The following NDUFS4 variants were observed in gnomAD, a reference collection of about 807,000 sequenced individuals.
NDUFS4 encodes the protein NADH:ubiquinone oxidoreductase subunit S4, also known as NADH dehydrogenase [ubiquinone] iron-sulfur protein 4, mitochondrial.
NDUFS4 carries 28 observed loss-of-function variants against 24.3 expected under a neutral mutation model. The ratio of observed to expected loss-of-function variants is 1.15; its 90% CI spans 0.85 to 1.58. NDUFS4 has a LOEUF of 1.58. Ranked by LOEUF, NDUFS4 falls within the 40% of genes most tolerant of loss-of-function variation. The pLI is 0.00. For missense variants in NDUFS4, 223 were observed against 207.9 expected (o/e 1.07, Z -0.45); for synonymous variants, 93 against 69.7 (o/e 1.34, Z -1.67).
intron 1 of NDUFS4, among the ~76,000 whole-genome samples, chr5:53,587,124 G>A (rs1321925860): frequency 6.6e-6 from 1 of 151,836 alleles, no homozygotes; most frequent in African/African-American, 2.4e-5. Flanking sequence ...GCACCCGGCC[G>A]AGTTATATAT....
chr5:53,617,977 A>G (rs1440634262), intron 2 of NDUFS4, among the ~76,000 whole-genome samples: 2 of 152,154 alleles, frequency 1.3e-5, no homozygotes, highest in East Asian at 3.9e-4. Context: ...GAGAATACCA[A>G]CACTAAACAA....
intron 1 of NDUFS4, among the ~76,000 whole-genome samples, chr5:53,588,232 C>G (rs1210798826): frequency 1.3e-5 from 2 of 152,138 alleles, no homozygotes; most frequent in African/African-American, 4.8e-5. Context: ...TTTAAAAATT[C>G]TTTACTGCTC....
Position 53,584,415 on chromosome 5 carries a change from G to A in NDUFS4, c.99-19037G>A, listed in dbSNP as rs188983576. 3.9e-3 allele frequency among the ~76,000 whole-genome samples: 590 copies of A among 152,162 alleles called. 5 individuals are homozygous for A. Among genetic ancestry groups the A allele is most frequent in the African/African-American group, 0.014 (566 of 41,500 alleles). On this transcript the variant is annotated intron_variant, in intron 1 of 4. Coordinates refer to ENST00000296684, the MANE Select transcript of NDUFS4 (RefSeq NM_002495.4). ...TTATCACCCAGGCTGGAGTGCAATG[G>A]CGCGATCTCAGCTCACTGAAACCTC...
intron 1 of NDUFS4, among the ~76,000 whole-genome samples, chr5:53,592,526 C>T (rs1043737785): frequency 1.3e-5 from 2 of 152,104 alleles, no homozygotes; most frequent in African/African-American, 2.4e-5. Flanking sequence ...GATTGTTTTG[C>T]TTCCTACATT....
At position 53,609,822 on chromosome 5, in the gene NDUFS4, C is replaced by T. The variant is rs557576730; in HGVS notation, c.177+6292C>T. Reference sequence around the variant, plus strand: ...TTATATAGATGGCTTCCTCCTTAGACCTCATGAGCCAACCTCTGCTTTCCT... The same window carrying T: ...TTATATAGATGGCTTCCTCCTTAGATCTCATGAGCCAACCTCTGCTTTCCT... On this transcript the variant is annotated intron_variant, in intron 2 of 4. Coordinates refer to ENST00000296684, the MANE Select transcript of NDUFS4 (RefSeq NM_002495.4). Among the ~76,000 whole-genome samples, 332 of 152,102 alleles carry T rather than the reference C, an allele frequency of 2.2e-3. 1 individual carries two copies. Among genetic ancestry groups the T allele is most frequent in the South Asian group, 3.9e-3 (19 of 4,822 alleles).
At chr5:53,587,623 G>C (rs1231977374) in intron 1 of NDUFS4, among the ~76,000 whole-genome samples, 1 of 150,796 alleles carries the variant, frequency 6.6e-6, no homozygotes, top group African/African-American at 2.4e-5. Context: ...TGTCTCACAG[G>C]CTGGAGCATG....
chr5:53,639,695 T>C (rs986331971), intron 2 of NDUFS4, among the ~76,000 whole-genome samples: 8 of 152,190 alleles, frequency 5.3e-5, no homozygotes, highest in Admixed American at 3.3e-4. Flanking sequence ...AGCATCATTT[T>C]ATTTTTCTTG....
At chr5:53,617,150 A>G (rs997877923) in intron 2 of NDUFS4, among the ~76,000 whole-genome samples, 10 of 152,190 alleles carry the variant, frequency 6.6e-5, no homozygotes, top group African/African-American at 2.2e-4. Flanking sequence ...TTTGGTGCTG[A>G]TAGCTTCAAA....
In NDUFS4 at chr5:53,572,143, A is replaced by G. The variant is rs183450113; in HGVS notation, c.98+11383A>G. Among the ~76,000 whole-genome samples the G allele has an allele frequency of 3.5e-3, 535 of 152,344 alleles. 6 individuals are homozygous for G. Among genetic ancestry groups the G allele is most frequent in the African/African-American group, 8.4e-3 (348 of 41,578 alleles). Reference sequence around the variant, plus strand: ...TGAAGAGTAGATAGGGAGAAATATGATAGAACAAAGGGGATTTGGTATATG... The same window carrying G: ...TGAAGAGTAGATAGGGAGAAATATGGTAGAACAAAGGGGATTTGGTATATG... On this transcript the variant is annotated intron_variant, in intron 1 of 4. Transcript: ENST00000296684.
chr5:53,656,993 A>G (rs976769326), intron 3 of NDUFS4, among the ~76,000 whole-genome samples: 1 of 152,162 alleles, frequency 6.6e-6, no homozygotes, highest in Non-Finnish European at 1.5e-5. Context: ...TGTTGTTACT[A>G]TTGGATATAT....
At chr5:53,594,092 C>T (rs917347322) in intron 1 of NDUFS4, among the ~76,000 whole-genome samples, 1 of 152,090 alleles carries the variant, frequency 6.6e-6, no homozygotes, top group African/African-American at 2.4e-5. Context: ...CAACCATATT[C>T]TTAACTGATA....
intron 3 of NDUFS4, among the ~76,000 whole-genome samples, chr5:53,650,133 A>G (rs1372122048): frequency 1.3e-5 from 2 of 152,178 alleles, no homozygotes; most frequent in Non-Finnish European, 2.9e-5. Context: ...TTACATGTTC[A>G]TCTATTCCCC....
chr5:53,579,992 G>A (rs893047843), intron 1 of NDUFS4, among the ~76,000 whole-genome samples: 5 of 152,180 alleles, frequency 3.3e-5, no homozygotes, highest in African/African-American at 1.2e-4. Context: ...ATTGATATTA[G>A]CCCTGTGAGA....
chr5:53,572,972 T>TG (rs1749263468), intron 1 of NDUFS4, among the ~76,000 whole-genome samples: 1 of 67,030 alleles, frequency 1.5e-5, no homozygotes, highest in African/African-American at 6.1e-5. Context: ...TTTTTTTTGT[T>TG]TTTTTTTTTT....
intron 2 of NDUFS4, among the ~76,000 whole-genome samples, chr5:53,645,442 G>T (rs1751833583): frequency 6.6e-6 from 1 of 152,132 alleles, no homozygotes; most frequent in Non-Finnish European, 1.5e-5. Context: ...ACTAATTTGT[G>T]TCCTGACTGC....
At chr5:53,580,444 T>G (rs186971258) in intron 1 of NDUFS4, among the ~76,000 whole-genome samples, 19 of 152,314 alleles carry the variant, frequency 1.2e-4, no homozygotes, top group African/African-American at 3.4e-4. Flanking sequence ...AAAGATGATT[T>G]TTGCTATTTG....
rs181871991 is a variant in NDUFS4, at chr5:53,643,852, A to G, written c.178-2381A>G. On this transcript the variant is annotated intron_variant, in intron 2 of 4. Transcript: ENST00000296684. ...TGCATGCAAAAACTGATTCTGTGTC[A>G]TGACAACTTGGGTTCCCAAAATCAG... Among the ~76,000 whole-genome samples, 526 of 152,262 alleles carry G rather than the reference A, an allele frequency of 3.5e-3. 10 individuals are homozygous for G. The highest frequency in any genetic ancestry group is 0.031 in the Admixed American group (476 of 15,270).
chr5:53,648,694 C>A (rs1488611906), intron 3 of NDUFS4, among the ~76,000 whole-genome samples: 4 of 152,112 alleles, frequency 2.6e-5, no homozygotes, highest in Non-Finnish European at 5.9e-5. Flanking sequence ...TAAGTGGTGG[C>A]TTCTGCTGAC....
At chr5:53,576,445 A>G (rs1315072308) in intron 1 of NDUFS4, among the ~76,000 whole-genome samples, 1 of 152,174 alleles carries the variant, frequency 6.6e-6, no homozygotes. Flanking sequence ...TCTGAATGAC[A>G]GCTACTATTT....
Sources: allele counts gnomAD v4.1 joint callset (sites outside exome capture counted in the v4.1 genomes callset), GRCh38; gene constraint gnomAD v4.1.1; transcripts MANE v1.5; gene names NCBI Gene and HGNC (gene_info 2026-07-23, HGNC 2026-07-21).